RSU1: variants seen among roughly 807,000 people sequenced by gnomAD.
RSU1 encodes Ras suppressor protein 1.
Under a neutral mutation model 31.1 loss-of-function variants are expected in RSU1, and 26 were observed. The ratio of observed to expected loss-of-function variants is 0.84; its 90% confidence interval spans 0.61 to 1.16. The LOEUF is 1.16. Ranked by LOEUF, RSU1 falls within the 50% of genes most tolerant of loss-of-function variation. The pLI is 0.00. For missense variants in RSU1, 320 were observed against 339.1 expected (o/e 0.94, Z 0.44); for synonymous variants, 164 against 136.3 (o/e 1.20, Z -1.41).
At chr10:16,696,566 T>C (rs1835679951) in intron 7 of RSU1, among the ~76,000 whole-genome samples, 1 of 152,238 alleles carries the variant, frequency 6.6e-6, no homozygotes, top group South Asian at 2.1e-4. Flanking sequence ...TAATTCATCA[T>C]GTTTCCAAAG....
At chr10:16,738,553 T>A (rs1836684565) in intron 7 of RSU1, among the ~76,000 whole-genome samples, 1 of 152,004 alleles carries the variant, frequency 6.6e-6, no homozygotes, top group African/African-American at 2.4e-5. Flanking sequence ...AGCAAATCAT[T>A]GAAATACAAA....
chr10:16,614,655 A>C (rs1307509764), intron 8 of RSU1, among the ~76,000 whole-genome samples: 1 of 152,190 alleles, frequency 6.6e-6, no homozygotes, highest in Non-Finnish European at 1.5e-5. Context: ...ACAAAAATTA[A>C]AAATAAGCTT....
In RSU1 at chr10:16,615,712, G is replaced by A. The variant is rs765241633; in HGVS notation, c.732-22216C>T. ...CCACAGTGCAATCAAATTAGAACTT[G>A]GGATTAAGAAACACTCAAAACTGCA... is the stretch of plus-strand genomic sequence containing the variant. On this transcript the variant is annotated intron_variant, in intron 8 of 8. Transcript: ENST00000345264. Among the ~76,000 whole-genome samples, 5 of 152,116 alleles carry A rather than the reference G, an allele frequency of 3.3e-5. 1 individual carries two copies. The highest frequency in any genetic ancestry group is 5.9e-5 in the Non-Finnish European group (4 of 68,006).
chr10:16,673,666 G>T (rs190156135), intron 8 of RSU1, among the ~76,000 whole-genome samples: 17 of 152,156 alleles, frequency 1.1e-4, no homozygotes, highest in Admixed American at 1.1e-3. Flanking sequence ...CTCAAATGAC[G>T]CAGGTGGAAG....
chr10:16,721,107 T>C (rs1043447668), intron 7 of RSU1, among the ~76,000 whole-genome samples: 2 of 152,190 alleles, frequency 1.3e-5, no homozygotes, highest in South Asian at 2.1e-4. Flanking sequence ...TGAAGATAAA[T>C]AACTTGTCCG....
At chr10:16,704,718 G>T (rs1425118508) in intron 7 of RSU1, among the ~76,000 whole-genome samples, 1 of 152,076 alleles carries the variant, frequency 6.6e-6, no homozygotes, top group Non-Finnish European at 1.5e-5. Flanking sequence ...ACCCTAGTGG[G>T]GTAATGCATT....
intron 7 of RSU1, among the ~76,000 whole-genome samples, chr10:16,701,076 G>A (rs1020852541): frequency 6.6e-6 from 1 of 152,172 alleles, no homozygotes; most frequent in African/African-American, 2.4e-5. Flanking sequence ...AATTAAGGTA[G>A]GGCAGGAGGT....
At chr10:16,608,208 C>T (rs998881427) in intron 8 of RSU1, among the ~76,000 whole-genome samples, 1 of 152,170 alleles carries the variant, frequency 6.6e-6, no homozygotes, top group African/African-American at 2.4e-5. Context: ...AGGTGAATGA[C>T]GTTCCACTTA....
intron 8 of RSU1, among the ~76,000 whole-genome samples, chr10:16,657,125 C>T (rs1834799205): frequency 6.6e-6 from 1 of 152,152 alleles, no homozygotes; most frequent in African/African-American, 2.4e-5. Context: ...ATGGAGAACA[C>T]AGAGTCAAAC....
At chr10:16,750,607 C>G (rs1191507172) in intron 7 of RSU1, among the ~76,000 whole-genome samples, 1 of 152,148 alleles carries the variant, frequency 6.6e-6, no homozygotes, top group East Asian at 1.9e-4. Flanking sequence ...CGTTGCCTCA[C>G]TGCTTGAAAA....
At chr10:16,811,249 C>T (rs1404998657) in intron 2 of RSU1, among the ~76,000 whole-genome samples, 1 of 152,162 alleles carries the variant, frequency 6.6e-6, no homozygotes, top group Admixed American at 6.5e-5. Context: ...GTAGGCTACA[C>T]CATCTGGGTG....
chr10:16,773,428 A>G (rs1027508252), intron 3 of RSU1, among the ~76,000 whole-genome samples: 8 of 152,134 alleles, frequency 5.3e-5, no homozygotes, highest in African/African-American at 1.9e-4. Context: ...AACCTTAGGA[A>G]TTCTCCCGTT....
intron 2 of RSU1, among the ~76,000 whole-genome samples, chr10:16,798,859 C>T (rs1055662173): frequency 4.6e-5 from 7 of 152,148 alleles, no homozygotes; most frequent in Non-Finnish European, 4.4e-5. Flanking sequence ...AGTAACACAT[C>T]GACAACACTC....
intron 8 of RSU1, among the ~76,000 whole-genome samples, chr10:16,633,798 G>A (rs1284002863): frequency 1.3e-5 from 2 of 152,094 alleles, no homozygotes; most frequent in Non-Finnish European, 2.9e-5. Flanking sequence ...CTTCCAAAAA[G>A]GCAGTGACAA....
intron 4 of RSU1, among the ~76,000 whole-genome samples, chr10:16,758,689 C>T (rs75513509): frequency 2.3e-4 from 35 of 152,260 alleles, no homozygotes; most frequent in African/African-American, 7.7e-4. Flanking sequence ...ATGGCTCACA[C>T]GTGGCTTCTC....
At chr10:16,595,568 A>G (rs1833597236) in intron 8 of RSU1, among the ~76,000 whole-genome samples, 1 of 152,204 alleles carries the variant, frequency 6.6e-6, no homozygotes, top group Admixed American at 6.5e-5. Flanking sequence ...TAGACAGAGA[A>G]CATAAGAGCC....
chr10:16,695,161 G>GGGT lies in RSU1; in HGVS notation c.599-7_599-6insACC. ...GCCAGTTAAATCCAAGTTTCCTGGG[G>GGGT]GGGGGGAAAAAAAAAGTGAAGGTCA... On this transcript the variant is annotated splice_polypyrimidine_tract_variant and splice_region_variant and intron_variant, in intron 7 of 8. Transcript: ENST00000345264. 2 of 1,483,248 alleles carry GGGT rather than the reference G, an allele frequency of 1.3e-6. No individual in the cohort carries two copies. The highest frequency in any genetic ancestry group is 1.8e-6 in the Non-Finnish European group (2 of 1,102,246). The allele number at this position is 1,483,248 out of a possible 1,614,324, so 91.9% of individuals were successfully genotyped here. A position where few individuals can be genotyped will look rare whatever the true frequency, so the allele number is the denominator to read the frequency against.
chr10:16,733,064 G>T (rs1267212680), intron 7 of RSU1, among the ~76,000 whole-genome samples: 1 of 152,058 alleles, frequency 6.6e-6, no homozygotes, highest in African/African-American at 2.4e-5. Flanking sequence ...TCTTAGGGAA[G>T]ATAAGCACTC....
intron 3 of RSU1, among the ~76,000 whole-genome samples, chr10:16,778,841 G>A (rs112658936): frequency 1.2e-4 from 18 of 152,334 alleles, no homozygotes; most frequent in African/African-American, 4.3e-4. Flanking sequence ...GTTTCTGAAA[G>A]GCAGAGAGGG....
Sources: gnomAD v4.1 joint callset for allele counts (sites outside exome capture counted in the v4.1 genomes callset) on GRCh38, gnomAD v4.1.1 for gene constraint, MANE v1.5 for transcripts, NCBI Gene and HGNC (gene_info 2026-07-23, HGNC 2026-07-21) for gene names.